Variants in DYNC2H1 observed in about 807,000 individuals in gnomAD.
DYNC2H1 encodes cytoplasmic dynein 2 heavy chain 1.
DYNC2H1 carries 410 observed loss-of-function variants against 570.0 expected under a neutral mutation model. That is an observed-to-expected ratio of 0.72 (90% CI 0.66 to 0.78). DYNC2H1 has a LOEUF of 0.78. DYNC2H1 is among the 30% of genes least tolerant of loss of function. DYNC2H1 has a pLI of 0.00. For missense variants in DYNC2H1, 4,865 were observed against 5,046.4 expected (o/e 0.96, Z 1.09); for synonymous variants, 1,688 against 1,677.6 (o/e 1.01, Z -0.15).
intron 79 of DYNC2H1, among the ~76,000 whole-genome samples, chr11:103,313,807 CAAT>C (rs1219286722): frequency 6.6e-6 from 1 of 152,082 alleles, no homozygotes; most frequent in East Asian, 1.9e-4. Context: ...AAATAGTAAA[CAAT>C]AATAGCATTG....
chr11:103,275,095 AAAAT>A lies in DYNC2H1; in HGVS notation c.10696-5233_10696-5230del, dbSNP rs145347376. Among the ~76,000 whole-genome samples, 4 of 151,960 alleles carry A rather than the reference AAAAT, an allele frequency of 2.6e-5. No individual in the cohort carries two copies. The highest frequency in any genetic ancestry group is 6.6e-5 in the Admixed American group (1 of 15,264). ...GGCGACAGTGAGAGACTCCGTCTCA[AAAAT>A]AAATAAATAAATAAATAAAATAAAA... On this transcript the variant is annotated intron_variant, in intron 70 of 88. Coordinates refer to ENST00000375735, the MANE Select transcript of DYNC2H1 (RefSeq NM_001377.3). This position sits in a 1 kb window ranked among gnomAD's most constrained non-coding sequence, Gnocchi z 4.8.
At chr11:103,200,317 C>T (rs1303174186) in intron 50 of DYNC2H1, among the ~76,000 whole-genome samples, 163 bp downstream of exon 50, 1 of 152,122 alleles carries the variant, frequency 6.6e-6, no homozygotes, top group Non-Finnish European at 1.5e-5. Context: ...AATTGAGAGA[C>T]TCCATTTTTA....
chr11:103,324,041 A>T lies in DYNC2H1; in HGVS notation c.12039+51A>T, dbSNP rs1392608133. ...CAAAAAAAGTTGCTAGTGAGCCTGA[A>T]GGAGACAAAATTAAACTTGATTTAG... On this transcript the variant is annotated intron_variant, in intron 82 of 88. Transcript: ENST00000375735. The surrounding 1 kb of genome is among the most constrained non-coding windows in gnomAD (Gnocchi z 5.2). 2 of 1,395,388 alleles carry T rather than the reference A, an allele frequency of 1.4e-6. No individual in the cohort carries two copies. Among genetic ancestry groups the T allele is most frequent in the East Asian group, 4.8e-5 (2 of 41,686 alleles). The allele number at this position is 1,395,388 out of a possible 1,614,324, so 86.4% of individuals were successfully genotyped here.
chr11:103,443,044 T>G (rs1944318850), intron 85 of DYNC2H1, among the ~76,000 whole-genome samples: 2 of 151,788 alleles, frequency 1.3e-5, no homozygotes, highest in South Asian at 4.2e-4. Flanking sequence ...AACAAAAGAG[T>G]TGCTAAATGT....
chr11:103,386,450 C>CCACACA (rs111771901), intron 83 of DYNC2H1, among the ~76,000 whole-genome samples: 20 of 150,800 alleles, frequency 1.3e-4, no homozygotes, highest in Admixed American at 2.6e-4. Context: ...TTAAAACACA[C>CCACACA]CACACACACA....
chr11:103,177,788 A>C lies in DYNC2H1; in HGVS notation c.6107A>C (p.Asn2036Thr). 6.2e-7 allele frequency: 1 copy of C among 1,612,650 alleles called. No individual in the cohort carries two copies. The highest frequency in any genetic ancestry group is 8.5e-7 in the Non-Finnish European group (1 of 1,179,382). Residue 2036 changes from asparagine (N) to threonine (T), a missense_variant, in exon 38 of 89, where the codon AAT becomes ACT. Coordinates refer to ENST00000375735, the MANE Select transcript of DYNC2H1 (RefSeq NM_001377.3). The surrounding 1 kb of genome is among the most constrained non-coding windows in gnomAD (Gnocchi z 4.4). ...GAATGGTCTGATGGTGTTTTGACAA[A>C]TAGTGCTCGTCAAGTGGTTCGGGAA... ...TREWSDGVLT[N>T]SARQVVREPQ...
At chr11:103,373,743 T>C (rs1347770695) in intron 83 of DYNC2H1, among the ~76,000 whole-genome samples, 1 of 152,204 alleles carries the variant, frequency 6.6e-6, no homozygotes, top group Non-Finnish European at 1.5e-5. Flanking sequence ...GGTTTTTTAT[T>C]TTTTGTCTAG....
intron 83 of DYNC2H1, among the ~76,000 whole-genome samples, chr11:103,392,507 G>A (rs995813857): frequency 5.3e-5 from 8 of 152,120 alleles, no homozygotes; most frequent in East Asian, 1.9e-4. Flanking sequence ...CCCACTGTCC[G>A]ACAATCCGCA....
At chr11:103,427,654 G>C (rs1200277699) in intron 84 of DYNC2H1, among the ~76,000 whole-genome samples, 1 of 151,958 alleles carries the variant, frequency 6.6e-6, no homozygotes, top group African/African-American at 2.4e-5. Context: ...TCTTTTCCTT[G>C]TATCTTCACA....
Position 103,209,990 on chromosome 11 carries a change from G to T in DYNC2H1, c.8539+30G>T, listed in dbSNP as rs897117110. 3 of 1,425,470 alleles carry T rather than the reference G, an allele frequency of 2.1e-6. No homozygotes were observed. Among genetic ancestry groups the T allele is most frequent in the South Asian group, 1.5e-5 (1 of 68,458 alleles). 88.3% of individuals were successfully genotyped at this position (1,425,470 alleles called of 1,614,324 possible). On this transcript the variant is annotated intron_variant, in intron 53 of 88. Coordinates refer to ENST00000375735, the MANE Select transcript of DYNC2H1 (RefSeq NM_001377.3). This position sits in a 1 kb window ranked among gnomAD's most constrained non-coding sequence, Gnocchi z 4.2. ...TATTTTGATAAAATCAGTTTGATCT[G>T]GTTTTTATTTATGAAATAATTGCCG... is the stretch of plus-strand genomic sequence containing the variant.
Position 103,220,793 on chromosome 11 carries a change from T to G in DYNC2H1, c.9107+10T>G, listed in dbSNP as rs1324340721. ...GGGTGAGCATGAAAAGGTACATTTT[T>G]CAATTTGTGAAAAATATTATTTCGG... On this transcript the variant is annotated intron_variant, in intron 57 of 88. Transcript: ENST00000375735. 6.3e-7 allele frequency: 1 copy of G among 1,593,596 alleles called. No homozygotes were observed. The highest frequency in any genetic ancestry group is 2.2e-5 in the East Asian group (1 of 44,502).
rs1862644395 is a variant in DYNC2H1, at chr11:103,199,769, G to A, written c.8089-277G>A. On this transcript the variant is annotated intron_variant, in intron 49 of 88. Coordinates refer to ENST00000375735, the MANE Select transcript of DYNC2H1 (RefSeq NM_001377.3). The surrounding 1 kb of genome is among the most constrained non-coding windows in gnomAD (Gnocchi z 4.6). ...AGACAGACATGAATGGTAAACAGAA[G>A]GATGGAATTTACATAGGAAATATAT... Among the ~76,000 whole-genome samples, 1 of 152,036 alleles carries A rather than the reference G, an allele frequency of 6.6e-6. No individual in the cohort carries two copies. The highest frequency in any genetic ancestry group is 6.6e-5 in the Admixed American group (1 of 15,252).
rs765405716 is a variant in DYNC2H1, at chr11:103,215,725, G to A, written c.8699G>A (p.Gly2900Asp). The A allele has an allele frequency of 1.2e-6, 2 of 1,604,676 alleles. No homozygotes were observed. The highest frequency in any genetic ancestry group is 8.5e-7 in the Non-Finnish European group (1 of 1,175,468). ...ATCAATATTTTATTGATGTAGGCTG[G>A]TGTATCTAAACTAAATGAAGCTAAA... Reference protein sequence around the residue: ...LLKRQSHLQAGVSKLNEAKAL... With the variant: ...LLKRQSHLQADVSKLNEAKAL... The change falls in exon 55 of 89, where the codon GGT becomes GAT. Residue 2900 changes from glycine (G) to aspartate (D), a missense_variant. Gly to Asp is a moderately conservative substitution (Grantham distance 94, BLOSUM62 -1). Around this residue, in one of 5 missense-constraint regions of DYNC2H1, gnomAD observed 2,401 missense variants for 2,454.6 expected, o/e 0.98. Transcript: ENST00000375735.
chr11:103,388,776 A>T lies in DYNC2H1; in HGVS notation c.12157-10887A>T, dbSNP rs142681683. Among the ~76,000 whole-genome samples, 4 of 152,134 alleles carry T rather than the reference A, an allele frequency of 2.6e-5. No homozygotes were observed. In the East Asian group the frequency reaches 5.8e-4, roughly 22 times the overall value. ...AGGTGATAATAAGGTGGTTTTTGTC[A>T]TTGGTTCTGTTTATATGCTGGATTA... On this transcript the variant is annotated intron_variant, in intron 83 of 88. Coordinates refer to ENST00000375735, the MANE Select transcript of DYNC2H1 (RefSeq NM_001377.3).
In DYNC2H1 at chr11:103,254,959, G is replaced by C. The variant is rs1002496342; in HGVS notation, c.10207-456G>C. Among the ~76,000 whole-genome samples the C allele has an allele frequency of 6.6e-6, 1 of 151,878 alleles. No individual in the cohort carries two copies. The highest frequency in any genetic ancestry group is 2.4e-5 in the African/African-American group (1 of 41,348). On this transcript the variant is annotated intron_variant, in intron 66 of 88. Coordinates refer to ENST00000375735, the MANE Select transcript of DYNC2H1 (RefSeq NM_001377.3). This position sits in a 1 kb window ranked among gnomAD's most constrained non-coding sequence, Gnocchi z 4.9. ...GCTAATTTTTTGTATTTTTAGTAGA[G>C]ATGGAGTTTCACTATGTTAGCCAGG...
intron 83 of DYNC2H1, among the ~76,000 whole-genome samples, chr11:103,361,200 T>TG (rs1218812537): frequency 6.6e-6 from 1 of 152,194 alleles, no homozygotes; most frequent in African/African-American, 2.4e-5. Flanking sequence ...TATTTGTAGA[T>TG]GGGGTCTTTG....
intron 20 of DYNC2H1, among the ~76,000 whole-genome samples, chr11:103,149,933 A>G (rs1860453443): frequency 6.6e-6 from 1 of 152,188 alleles, no homozygotes. Flanking sequence ...GATCTGAAAG[A>G]TAAGAAAGAG....
At position 103,133,634 on chromosome 11, in the gene DYNC2H1, T is replaced by A; in HGVS notation, c.2033T>A (p.Leu678His). ...PKELEGYIQK[L>H]QNAAERLATE... ...GAATTAGAAGGCTATATCCAAAAAC[T>A]CCAAAATGCTGCTGAACGGCTTGCC... is the stretch of plus-strand genomic sequence containing the variant. The change falls in exon 14 of 89, where the codon CTC becomes CAC. Residue 678 changes from leucine to histidine, a missense_variant. This residue lies in a region of DYNC2H1 where 1,936 missense variants were observed against 1,962.1 expected (regional missense o/e 0.99). Coordinates refer to ENST00000375735, the MANE Select transcript of DYNC2H1 (RefSeq NM_001377.3). This position sits in a 1 kb window ranked among gnomAD's most constrained non-coding sequence, Gnocchi z 4.8. The A allele has an allele frequency of 6.2e-7, 1 of 1,613,248 alleles. No individual in the cohort carries two copies. The highest frequency in any genetic ancestry group is 8.5e-7 in the Non-Finnish European group (1 of 1,179,712).
chr11:103,344,886 A>G (rs1939657718), intron 82 of DYNC2H1, among the ~76,000 whole-genome samples: 2 of 152,210 alleles, frequency 1.3e-5, no homozygotes, highest in Non-Finnish European at 2.9e-5. Context: ...AAGAATTAAG[A>G]TATTACCATA....
Sources: gnomAD v4.1 joint callset for allele counts (sites outside exome capture counted in the v4.1 genomes callset) on GRCh38, gnomAD v4.1.1 for gene constraint, gnomAD v4.1.1 regional missense constraint, Gnocchi (gnomAD v3.1) non-coding constraint, MANE v1.5 for transcripts, NCBI Gene and HGNC (gene_info 2026-07-23, HGNC 2026-07-21) for gene names.